Variants in SNX29 observed in about 807,000 individuals in gnomAD.
SNX29 encodes the protein sorting nexin-29.
A neutral mutation model predicts 102.1 loss-of-function variants in SNX29; 78 were observed. The observed-to-expected ratio is 0.76, with a 90% CI of 0.64 to 0.92. SNX29 has a LOEUF of 0.92. Among genes scored for constraint, SNX29 ranks in the 40% least tolerant of loss-of-function variants. The pLI, the probability that SNX29 is intolerant of heterozygous loss-of-function variation, is 0.00. For synonymous variants in SNX29, 580 were observed against 414.5 expected (o/e 1.40, Z -4.85); for missense variants, 1,280 against 1,061.7 (o/e 1.21, Z -2.86).
At chr16:12,216,272 CACAA>C (rs2077321224) in intron 14 of SNX29, among the ~76,000 whole-genome samples, 1 of 152,142 alleles carries the variant, frequency 6.6e-6, no homozygotes, top group Non-Finnish European at 1.5e-5. Flanking sequence ...GGCACTTTGC[CACAA>C]ACAGTCTTGG....
intron 13 of SNX29, among the ~76,000 whole-genome samples, chr16:12,147,143 G>A (rs1248099558): frequency 6.6e-6 from 1 of 152,228 alleles, no homozygotes; most frequent in Non-Finnish European, 1.5e-5. Context: ...GCGCGTGCCC[G>A]CGTTGAATGG....
chr16:12,565,021 T>C (rs1418032419), intron 20 of SNX29, among the ~76,000 whole-genome samples: 4 of 151,996 alleles, frequency 2.6e-5, no homozygotes, highest in Non-Finnish European at 5.9e-5. Flanking sequence ...TGGACGCCAG[T>C]CCTGGGATGA....
intron 13 of SNX29, among the ~76,000 whole-genome samples, chr16:12,154,840 T>C (rs2055469611): frequency 6.6e-6 from 1 of 152,194 alleles, no homozygotes; most frequent in African/African-American, 2.4e-5. Flanking sequence ...GGGGCCTCTC[T>C]TACAAAGGCA....
chr16:12,218,035 T>C (rs1162972712), intron 14 of SNX29, among the ~76,000 whole-genome samples: 2 of 152,208 alleles, frequency 1.3e-5, no homozygotes, highest in Non-Finnish European at 2.9e-5. Flanking sequence ...AGAGTTCCAA[T>C]TATGACAGTT....
At chr16:12,403,202 A>ATATG (rs2084021015) in intron 17 of SNX29, among the ~76,000 whole-genome samples, 1 of 70,882 alleles carries the variant, frequency 1.4e-5, no homozygotes, top group Non-Finnish European at 2.9e-5. Context: ...TTGTGTGTGT[A>ATATG]TGTGTGTGTG....
At chr16:12,275,225 G>T (rs1015860350) in intron 14 of SNX29, among the ~76,000 whole-genome samples, 26 of 152,134 alleles carry the variant, frequency 1.7e-4, no homozygotes, top group Non-Finnish European at 1.8e-4. Context: ...AGATTCCTGG[G>T]AGAATACCTT....
At chr16:12,069,752 G>A (rs147662842) in intron 10 of SNX29, among the ~76,000 whole-genome samples, 2,959 of 152,202 alleles carry the variant, frequency 0.019, 68 homozygotes, top group African/African-American at 0.047. Context: ...GTGCGGTGGC[G>A]CAATCTCGGC....
At chr16:12,009,201 T>C (rs1416856491) in intron 3 of SNX29, among the ~76,000 whole-genome samples, 2 of 152,054 alleles carry the variant, frequency 1.3e-5, no homozygotes, top group African/African-American at 4.8e-5. Context: ...AAGTAAATAA[T>C]AGTACATATC....
intron 9 of SNX29, among the ~76,000 whole-genome samples, chr16:12,068,731 G>A (rs1279545127): frequency 6.6e-6 from 1 of 152,104 alleles, no homozygotes; most frequent in African/African-American, 2.4e-5. Context: ...TTTTAGTAGA[G>A]ATGGGGTTTC....
intron 15 of SNX29, among the ~76,000 whole-genome samples, chr16:12,335,037 A>AG (rs529043508): frequency 1.3e-4 from 20 of 151,224 alleles, no homozygotes; most frequent in Admixed American, 5.3e-4. Context: ...GATGCATGTG[A>AG]GGGGAGGTTG....
intron 17 of SNX29, among the ~76,000 whole-genome samples, chr16:12,402,249 G>C (rs1200444015): frequency 6.6e-6 from 1 of 152,238 alleles, no homozygotes; most frequent in African/African-American, 2.4e-5. Flanking sequence ...TTTCAGGAGA[G>C]ACCCATTACC....
chr16:12,483,303 C>G (rs181734408), intron 19 of SNX29, among the ~76,000 whole-genome samples: 1 of 142,786 alleles, frequency 7.0e-6, no homozygotes. Flanking sequence ...GCCACTGCAC[C>G]TGGCCATTTA....
intron 14 of SNX29, among the ~76,000 whole-genome samples, chr16:12,228,455 C>G (rs557217849): frequency 6.6e-5 from 10 of 152,364 alleles, no homozygotes; most frequent in African/African-American, 1.9e-4. Flanking sequence ...GCAGCAGCAT[C>G]CTGCTCTCTC....
chr16:12,125,873 G>T (rs2054194572), intron 11 of SNX29, among the ~76,000 whole-genome samples: 1 of 152,002 alleles, frequency 6.6e-6, no homozygotes, highest in South Asian at 2.1e-4. Context: ...AACATTTTCA[G>T]CTATGAGGTC....
chr16:12,541,820 GCCTCTTCC>G (rs1247532901), intron 20 of SNX29, among the ~76,000 whole-genome samples: 1 of 152,068 alleles, frequency 6.6e-6, no homozygotes, highest in Non-Finnish European at 1.5e-5. Flanking sequence ...AACCAAGCTC[GCCTCTTCC>G]CCTCTTCTCC....
In SNX29 at chr16:12,277,944, T is replaced by A. The variant is rs747182337; in HGVS notation, c.1690T>A (p.Trp564Arg). The change falls in exon 15 of 21, where the codon TGG becomes AGG. Residue 564 changes from tryptophan (W) to arginine (R), a missense_variant. Physicochemically the swap from Trp to Arg is moderately radical, Grantham distance 101 (BLOSUM62 -3). Coordinates refer to ENST00000566228, the MANE Select transcript of SNX29 (RefSeq NM_032167.5). ...CTCTTTCTCTAAAGTGCCAAATCTT[T>A]GGAGTGTTGATGGAGAAGTTACAGT... Reference protein sequence around the residue: ...EGQTAEVPNLWSVDGEVTVAE... With the variant: ...EGQTAEVPNLRSVDGEVTVAE... The A allele has an allele frequency of 1.4e-5, 23 of 1,607,568 alleles. No homozygotes were observed. The African/African-American group carries it at 1.7e-4, about 12-fold the overall frequency.
At chr16:12,034,045 G>T (rs943801143) in intron 4 of SNX29, among the ~76,000 whole-genome samples, 2 of 152,146 alleles carry the variant, frequency 1.3e-5, no homozygotes, top group African/African-American at 4.8e-5. Context: ...TGGTCTGTAC[G>T]CATCTTCAGT....
intron 13 of SNX29, among the ~76,000 whole-genome samples, chr16:12,160,007 CTAAG>C (rs1013007657): frequency 2.3e-4 from 35 of 152,334 alleles, no homozygotes; most frequent in African/African-American, 5.3e-4. Flanking sequence ...TCTGGGAACT[CTAAG>C]TAAGTCCCTT....
At chr16:12,247,937 G>A (rs2078306837) in intron 14 of SNX29, among the ~76,000 whole-genome samples, 1 of 152,192 alleles carries the variant, frequency 6.6e-6, no homozygotes, top group Non-Finnish European at 1.5e-5. Context: ...CACACACTGT[G>A]TAGAATTACC....
Sources: allele counts gnomAD v4.1 joint callset (sites outside exome capture counted in the v4.1 genomes callset), GRCh38; gene constraint gnomAD v4.1.1; transcripts MANE v1.5; gene names NCBI Gene and HGNC (gene_info 2026-07-23, HGNC 2026-07-21).